Variants in CXCL1 observed in about 807,000 individuals in gnomAD.
The protein encoded by CXCL1 is growth-regulated alpha protein.
Under a neutral mutation model 11.7 loss-of-function variants are expected in CXCL1, and 9 were observed. That is an observed-to-expected ratio of 0.77 (90% CI 0.46 to 1.34). The LOEUF (loss-of-function observed/expected upper bound fraction) is 1.34, where lower values mean the gene tolerates loss of function less well. CXCL1 is among the 40% of genes most tolerant of loss of function. The pLI, the probability that CXCL1 is intolerant of heterozygous loss-of-function variation, is 0.00. For synonymous variants in CXCL1, 78 were observed against 59.1 expected, an observed-to-expected ratio of 1.32 and a Z score of -1.47; for missense variants, 146 against 138.1, an observed-to-expected ratio of 1.06 and a Z score of -0.29.
rs749188314 is a variant in CXCL1, at chr4:73,869,770, C to G, written c.202C>G (p.His68Asp). 1 of 1,614,060 alleles carries G rather than the reference C, an allele frequency of 6.2e-7. No homozygotes were observed. The highest frequency in any genetic ancestry group is 1.1e-5 in the South Asian group (1 of 91,080). Residue 68 changes from histidine (H) to aspartate (D), a missense_variant, in exon 2 of 4, where the codon CAC becomes GAC. Physicochemically the swap from His to Asp is moderately conservative, Grantham distance 81 (BLOSUM62 -1). Coordinates refer to ENST00000395761, the MANE Select transcript of CXCL1 (RefSeq NM_001511.4). ...QSVNVKSPGPHCAQTEVIATL... is the reference protein window; with the variant it reads ...QSVNVKSPGPDCAQTEVIATL... ...TGTGAACGTGAAGTCCCCCGGACCC[C>G]ACTGCGCCCAAACCGAAGTCATGTA...
intron 2 of CXCL1, 33 bp downstream of exon 2, chr4:73,869,825 C>A (rs769969007): frequency 3.1e-6 from 5 of 1,613,684 alleles, no homozygotes; most frequent in Non-Finnish European, 4.2e-6. Context: ...TCTGCCACCG[C>A]CGGGGTCCCA....
Position 73,870,604 on chromosome 4 carries a change from G to A in CXCL1, c.*68G>A, listed in dbSNP as rs901929460. 3.8e-6 allele frequency: 6 copies of A among 1,599,794 alleles called. No homozygotes were observed. The South Asian group carries it at 4.4e-5, about 12-fold the overall frequency. On this transcript the variant is annotated 3_prime_UTR_variant, in exon 4 of 4. Coordinates refer to ENST00000395761, the MANE Select transcript of CXCL1 (RefSeq NM_001511.4). ...AGGCCCTGCCCTTATAGGAACAGAA[G>A]AGGAAAGAGAGACACAGCTGCAGAG...
chr4:73,869,618 G>A (rs1197735986), intron 1 of CXCL1, 48 bp downstream of exon 1: 2 of 1,613,428 alleles, frequency 1.2e-6, no homozygotes, highest in African/African-American at 2.7e-5. Context: ...GGCTGGGGTA[G>A]GCACCCAGCG....
intron 1 of CXCL1, 28 bp downstream of exon 1, chr4:73,869,598 G>A (rs552674189): frequency 1.9e-6 from 3 of 1,612,828 alleles, no homozygotes; most frequent in Non-Finnish European, 2.5e-6. Context: ...GGGGTCCCCG[G>A]GCCGGACGCG....
rs565003261 is a variant in CXCL1, at chr4:73,870,515, T to C, written c.309-6T>C. The C allele has an allele frequency of 2.5e-6, 4 of 1,613,776 alleles. No homozygotes were observed. Among genetic ancestry groups the C allele is most frequent in the East Asian group, 2.2e-5 (1 of 44,872 alleles). ...CCTACTCAGGGCACCCATTTTCTCA[T>C]TGCAGTGACAAATCCAACTGACCAG... On this transcript the variant is annotated splice_region_variant and splice_polypyrimidine_tract_variant and intron_variant, in intron 3 of 3. Transcript: ENST00000395761.
At position 73,870,680 on chromosome 4, in the gene CXCL1, CTATT is replaced by C. The variant is rs1243705012; in HGVS notation, c.*157_*160del. On this transcript the variant is annotated 3_prime_UTR_variant, in exon 4 of 4. Coordinates refer to ENST00000395761, the MANE Select transcript of CXCL1 (RefSeq NM_001511.4). Reference sequence around the variant, plus strand: ...TTGAGCATCGCTTAGGAGAAGTCTTCTATTTATTTATTTATTCATTAGTTTTGAA... The same window carrying C: ...TTGAGCATCGCTTAGGAGAAGTCTTCTATTTATTTATTCATTAGTTTTGAA... 11 of 835,374 alleles carry C rather than the reference CTATT, an allele frequency of 1.3e-5. No individual in the cohort carries two copies. The highest frequency in any genetic ancestry group is 8.2e-5 in the East Asian group (3 of 36,710). The allele number at this position is 835,374 out of a possible 1,614,324, so 51.7% of individuals were successfully genotyped here.
In CXCL1 at chr4:73,870,849, G is replaced by C. The variant is rs1303414493; in HGVS notation, c.*313G>C. ...TGGATTCATATTTAATTTGAAGGTA[G>C]AATGTTTTCAAATGTTCTCCAGTCA... On this transcript the variant is annotated 3_prime_UTR_variant, in exon 4 of 4. Transcript: ENST00000395761. 1 of 250,106 alleles carries C rather than the reference G, an allele frequency of 4.0e-6. No individual in the cohort carries two copies. The highest frequency in any genetic ancestry group is 7.8e-6 in the Non-Finnish European group (1 of 128,782). 15.5% of individuals were successfully genotyped at this position (250,106 alleles called of 1,614,324 possible).
Position 73,869,664 on chromosome 4 carries a change from C to T in CXCL1, c.101-5C>T, listed in dbSNP as rs773440075. 2 of 1,614,188 alleles carry T rather than the reference C, an allele frequency of 1.2e-6. No homozygotes were observed. Among genetic ancestry groups the T allele is most frequent in the Non-Finnish European group, 1.7e-6 (2 of 1,180,018 alleles). ...CGCTCAGTCAGTGAGTCTCTTCTTC[C>T]CTAGGAGCGTCCGTGGCCACTGAAC... On this transcript the variant is annotated splice_polypyrimidine_tract_variant and splice_region_variant and intron_variant, in intron 1 of 3. Coordinates refer to ENST00000395761, the MANE Select transcript of CXCL1 (RefSeq NM_001511.4).
In CXCL1 at chr4:73,870,718, G is replaced by A. The variant is rs1731932660; in HGVS notation, c.*182G>A. ...TATTCATTAGTTTTGAAGATTCTAT[G>A]TTAATATTTTAGGTGTAAAATAATT... On this transcript the variant is annotated 3_prime_UTR_variant, in exon 4 of 4. Transcript: ENST00000395761. The A allele has an allele frequency of 1.5e-6, 1 of 655,528 alleles. No homozygotes were observed. The highest frequency in any genetic ancestry group is 2.5e-6 in the Non-Finnish European group (1 of 397,374). 40.6% of individuals were successfully genotyped at this position (655,528 alleles called of 1,614,324 possible). A position where few individuals can be genotyped will look rare whatever the true frequency, so the allele number is the denominator to read the frequency against.
At position 73,870,717 on chromosome 4, in the gene CXCL1, T is replaced by G. The variant is rs1731932592; in HGVS notation, c.*181T>G. 1 of 658,254 alleles carries G rather than the reference T, an allele frequency of 1.5e-6. No homozygotes were observed. 40.8% of individuals were successfully genotyped at this position (658,254 alleles called of 1,614,324 possible). ...TTATTCATTAGTTTTGAAGATTCTA[T>G]GTTAATATTTTAGGTGTAAAATAAT... On this transcript the variant is annotated 3_prime_UTR_variant, in exon 4 of 4. Coordinates refer to ENST00000395761, the MANE Select transcript of CXCL1 (RefSeq NM_001511.4).
chr4:73,869,956 T>C lies in CXCL1; in HGVS notation c.275T>C (p.Ile92Thr). ...RKACLNPASP[I>T]VKKIIEKMLN... ...GCTTGCCTCAATCCTGCATCCCCCA[T>C]AGTTAAGAAAATCATCGAAAAGATG... The change falls in exon 3 of 4, where the codon ATA (isoleucine) becomes ACA (threonine). Residue 92 changes from isoleucine (I) to threonine (T), a missense_variant. Ile to Thr is a moderately conservative substitution (Grantham distance 89, BLOSUM62 -1). Coordinates refer to ENST00000395761, the MANE Select transcript of CXCL1 (RefSeq NM_001511.4). The C allele has an allele frequency of 1.2e-6, 2 of 1,614,058 alleles. No individual in the cohort carries two copies. Among genetic ancestry groups the C allele is most frequent in the Non-Finnish European group, 1.7e-6 (2 of 1,180,010 alleles).
chr4:73,869,477 C>A lies in CXCL1; in HGVS notation c.7C>A (p.Arg3Ser), dbSNP rs1336975214. ...GACCCGCCTGCTGAGCCCCATGGCC[C>A]GCGCTGCTCTCTCCGCCGCCCCCAG... The part of the protein sequence containing the change: MA[R>S]AALSAAPSNP... Residue 3 changes from arginine to serine, a missense_variant, in exon 1 of 4, where the codon CGC (arginine) becomes AGC (serine). Arg to Ser is a moderately radical substitution (Grantham distance 110). Transcript: ENST00000395761. The A allele has an allele frequency of 1.5e-5, 23 of 1,563,990 alleles. No homozygotes were observed. Among genetic ancestry groups the A allele is most frequent in the Non-Finnish European group, 1.9e-5 (22 of 1,155,978 alleles).
At position 73,869,658 on chromosome 4, in the gene CXCL1, T is replaced by G; in HGVS notation, c.101-11T>G. The G allele has an allele frequency of 2.5e-6, 4 of 1,614,128 alleles. No homozygotes were observed. Among genetic ancestry groups the G allele is most frequent in the Non-Finnish European group, 3.4e-6 (4 of 1,180,000 alleles). ...CAGCCTCGCTCAGTCAGTGAGTCTC[T>G]TCTTCCCTAGGAGCGTCCGTGGCCA... is the stretch of plus-strand genomic sequence containing the variant. On this transcript the variant is annotated splice_polypyrimidine_tract_variant and intron_variant, in intron 1 of 3. Transcript: ENST00000395761.
intron 3 of CXCL1, chr4:73,870,256 C>A (rs1420568364): frequency 3.3e-6 from 2 of 613,984 alleles, no homozygotes; most frequent in Middle Eastern, 3.8e-4. Context: ...CCCAGTAGGA[C>A]AAACAGCAAC....
chr4:73,870,051 G>A, intron 3 of CXCL1, 62 bp downstream of exon 3: 3 of 1,511,688 alleles, frequency 2.0e-6, no homozygotes, highest in Non-Finnish European at 2.7e-6. Context: ...ACTGGCATGT[G>A]CCCCCTAAAA....
chr4:73,869,627 C>A (rs1731891437), intron 1 of CXCL1, 42 bp from the exon 2 acceptor site: 3 of 1,613,758 alleles, frequency 1.9e-6, no homozygotes, highest in African/African-American at 1.3e-5. Context: ...AGGCACCCAG[C>A]GCCGACAGCC....
Position 73,870,607 on chromosome 4 carries a change from G to A in CXCL1, c.*71G>A. ...CCCTGCCCTTATAGGAACAGAAGAG[G>A]AAAGAGAGACACAGCTGCAGAGGCC... On this transcript the variant is annotated 3_prime_UTR_variant, in exon 4 of 4. Coordinates refer to ENST00000395761, the MANE Select transcript of CXCL1 (RefSeq NM_001511.4). 1.9e-6 allele frequency: 3 copies of A among 1,598,632 alleles called. No homozygotes were observed. Among genetic ancestry groups the A allele is most frequent in the Non-Finnish European group, 2.6e-6 (3 of 1,169,274 alleles).
chr4:73,870,248 C>G, intron 3 of CXCL1: 1 of 617,892 alleles, frequency 1.6e-6, no homozygotes, highest in Admixed American at 3.0e-5. Context: ...ATTTGAGGCC[C>G]AGTAGGACAA....
At position 73,869,729 on chromosome 4, in the gene CXCL1, C is replaced by T. The variant is rs779990786; in HGVS notation, c.161C>T (p.Pro54Leu). 33 of 1,614,060 alleles carry T rather than the reference C, an allele frequency of 2.0e-5. No homozygotes were observed. Among genetic ancestry groups the T allele is most frequent in the Middle Eastern group, 1.6e-4 (1 of 6,082 alleles). Residue 54 changes from proline (P) to leucine (L), a missense_variant, in exon 2 of 4, where the codon CCC becomes CTC. Physicochemically the swap from Pro to Leu is moderately conservative, Grantham distance 98 (BLOSUM62 -3). Coordinates refer to ENST00000395761, the MANE Select transcript of CXCL1 (RefSeq NM_001511.4). Reference sequence around the variant, plus strand: ...TTGCAGACCCTGCAGGGAATTCACCCCAAGAACATCCAAAGTGTGAACGTG... The same window carrying T: ...TTGCAGACCCTGCAGGGAATTCACCTCAAGAACATCCAAAGTGTGAACGTG... ...QCLQTLQGIH[P>L]KNIQSVNVKS...
Sources: gnomAD v4.1 joint callset for allele counts on GRCh38, gnomAD v4.1.1 for gene constraint, MANE v1.5 for transcripts, NCBI Gene and HGNC (gene_info 2026-07-23, HGNC 2026-07-21) for gene names.